Variants in TM9SF2 observed in about 807,000 individuals in gnomAD.
The protein encoded by TM9SF2 is transmembrane 9 superfamily member 2.
TM9SF2 carries 13 observed loss-of-function variants against 84.9 expected under a neutral mutation model. The observed-to-expected ratio is 0.15, with a 90% CI of 0.10 to 0.24. The LOEUF is 0.24. Ranked by LOEUF, TM9SF2 falls within the 10% of genes least tolerant of loss-of-function variation. The pLI is 1.00. For synonymous variants in TM9SF2, 273 were observed against 285.8 expected (o/e 0.96, Z 0.45); for missense variants, 562 against 818.5 (o/e 0.69, Z 3.82).
chr13:99,515,000 G>C (rs12584295), intron 1 of TM9SF2, among the ~76,000 whole-genome samples: 14,929 of 152,242 alleles, frequency 0.098, 878 homozygotes, highest in East Asian at 0.21. Context: ...CACACAACTA[G>C]TGTCAGAGGC....
At chr13:99,534,463 T>TA (rs1246455525) in intron 4 of TM9SF2, among the ~76,000 whole-genome samples, 1 of 152,156 alleles carries the variant, frequency 6.6e-6, no homozygotes, top group South Asian at 2.1e-4. Flanking sequence ...TTCACTCTAT[T>TA]AAATCTTGCA....
intron 16 of TM9SF2, among the ~76,000 whole-genome samples, chr13:99,561,107 C>T (rs572104677): frequency 1.6e-4 from 25 of 152,304 alleles, no homozygotes; most frequent in African/African-American, 6.0e-4. Context: ...TCACTTTCTT[C>T]AATTGTATTT....
At chr13:99,521,565 C>T (rs544701294) in intron 3 of TM9SF2, among the ~76,000 whole-genome samples, 1 of 152,346 alleles carries the variant, frequency 6.6e-6, no homozygotes, top group East Asian at 1.9e-4. Context: ...CTAGATTCAT[C>T]TCACCAACCG....
At chr13:99,503,666 C>T (rs149466365) in intron 1 of TM9SF2, among the ~76,000 whole-genome samples, 38 of 146,534 alleles carry the variant, frequency 2.6e-4, no homozygotes, top group African/African-American at 9.2e-4. Flanking sequence ...GCTGAGATCG[C>T]GCCATTGCAC....
chr13:99,526,258 G>A (rs2046182995), intron 3 of TM9SF2, among the ~76,000 whole-genome samples: 1 of 152,264 alleles, frequency 6.6e-6, no homozygotes, highest in Admixed American at 6.5e-5. Flanking sequence ...TGAAGTAACA[G>A]CAGCCAGCGT....
chr13:99,555,922 A>G (rs2046323105), intron 15 of TM9SF2, among the ~76,000 whole-genome samples: 1 of 152,206 alleles, frequency 6.6e-6, no homozygotes, highest in South Asian at 2.1e-4. Flanking sequence ...AACTGACTTA[A>G]AAATTAATAC....
intron 1 of TM9SF2, among the ~76,000 whole-genome samples, chr13:99,505,681 A>C (rs1308965577): frequency 1.3e-5 from 2 of 152,368 alleles, no homozygotes; most frequent in South Asian, 4.1e-4. Context: ...TAGATATTCC[A>C]GGATAAAATC....
intron 3 of TM9SF2, 52 bp from the exon 4 acceptor site, chr13:99,529,415 G>A: frequency 6.9e-7 from 1 of 1,450,586 alleles, no homozygotes; most frequent in Non-Finnish European, 9.1e-7. Context: ...ATATTGGTAT[G>A]AAAAACCTGG....
intron 5 of TM9SF2, 149 bp from the exon 6 acceptor site, chr13:99,537,590 A>T (rs1230719387): frequency 1.7e-6 from 1 of 601,276 alleles, no homozygotes; most frequent in Non-Finnish European, 2.7e-6. Flanking sequence ...AAAGAGTTTA[A>T]GTATAAAATT....
In TM9SF2 at chr13:99,552,188, T is replaced by C; in HGVS notation, c.1350T>C (p.Phe450=). The C allele has an allele frequency of 3.1e-6, 5 of 1,613,948 alleles. No individual in the cohort carries two copies. The highest frequency in any genetic ancestry group is 4.2e-6 in the Non-Finnish European group (5 of 1,179,956). Residue 450 remains phenylalanine, a synonymous_variant, in exon 13 of 17, where the codon TTT becomes TTC. Transcript: ENST00000376387. Reference sequence around the variant, plus strand: ...TCAGGATTGTATTTGCTGACTTCTTTATAATGAATCTGATCCTCTGGGGAG... The same window carrying C: ...TCAGGATTGTATTTGCTGACTTCTTCATAATGAATCTGATCCTCTGGGGAG... ...LCPGIVFADF[F]IMNLILWGEG... is the part of the protein sequence containing the mutation.
At chr13:99,541,730 A>T (rs1390901742) in intron 9 of TM9SF2, 63 bp downstream of exon 9, 11 of 1,076,434 alleles carry the variant, frequency 1.0e-5, no homozygotes, top group Non-Finnish European at 1.5e-5. Flanking sequence ...TTTTGCAAAA[A>T]GGTAAAATAA....
intron 13 of TM9SF2, among the ~76,000 whole-genome samples, chr13:99,553,699 G>A (rs1190883670): frequency 1.3e-5 from 2 of 152,258 alleles, no homozygotes; most frequent in African/African-American, 4.8e-5. Context: ...CATCTGTACT[G>A]TCTTCCCCCC....
chr13:99,555,015 A>G (rs867000778), intron 14 of TM9SF2, among the ~76,000 whole-genome samples: 42 of 152,282 alleles, frequency 2.8e-4, no homozygotes, highest in African/African-American at 7.5e-4. Context: ...GTGTGTGTAT[A>G]TCTATATATA....
chr13:99,520,016 T>C lies in TM9SF2; in HGVS notation c.240-20T>C. 6.2e-7 allele frequency: 1 copy of C among 1,607,566 alleles called. No homozygotes were observed. The highest frequency in any genetic ancestry group is 8.5e-7 in the Non-Finnish European group (1 of 1,177,420). ...CATCGTTCCCTTTTATGTGTAAAAA[T>C]TTAAATATTCTTCTCCCAGGTTTGA... On this transcript the variant is annotated intron_variant, in intron 2 of 16. Transcript: ENST00000376387.
chr13:99,552,276 A>T lies in TM9SF2; in HGVS notation c.1438A>T (p.Ile480Leu), dbSNP rs2046308527. ...TGCCATATTGGCCCTTTGGTTCTGC[A>T]TATCTGTGCCTCTGACGTTTATTGG... ...LVAILALWFCISVPLTFIGAY... is the reference protein window; with the variant it reads ...LVAILALWFCLSVPLTFIGAY... Residue 480 changes from isoleucine to leucine, a missense_variant, in exon 13 of 17, where the codon ATA becomes TTA. By Grantham distance (5) the Ile-to-Leu change is conservative (BLOSUM62 2). Around this residue, in one of 4 missense-constraint regions of TM9SF2, gnomAD observed 219 missense variants for 338.1 expected, o/e 0.65. Coordinates refer to ENST00000376387, the MANE Select transcript of TM9SF2 (RefSeq NM_004800.3). 1 of 1,614,044 alleles carries T rather than the reference A, an allele frequency of 6.2e-7. No homozygotes were observed. The highest frequency in any genetic ancestry group is 8.5e-7 in the Non-Finnish European group (1 of 1,180,018).
In TM9SF2 at chr13:99,552,163, T is replaced by A. The variant is rs765871846; in HGVS notation, c.1329-4T>A. 5.6e-6 allele frequency: 9 copies of A among 1,612,500 alleles called. No individual in the cohort carries two copies. In the South Asian group the frequency reaches 9.9e-5, roughly 18 times the overall value. ...TTTACCCAAAAGCCTGTTGTGTCTT[T>A]CAGGATTGTATTTGCTGACTTCTTT... On this transcript the variant is annotated splice_region_variant and splice_polypyrimidine_tract_variant and intron_variant, in intron 12 of 16. Transcript: ENST00000376387.
At chr13:99,523,366 G>A (rs749772336) in intron 3 of TM9SF2, among the ~76,000 whole-genome samples, 4 of 152,038 alleles carry the variant, frequency 2.6e-5, no homozygotes, top group Non-Finnish European at 5.9e-5. Context: ...GCCCAGGCTG[G>A]TCTTGAACTC....
At chr13:99,527,365 A>G (rs564814975) in intron 3 of TM9SF2, among the ~76,000 whole-genome samples, 4 of 152,200 alleles carry the variant, frequency 2.6e-5, no homozygotes, top group Admixed American at 1.3e-4. Flanking sequence ...CAGGAAAACA[A>G]TCATGGCAGA....
At chr13:99,555,447 T>C (rs2046321471) in intron 14 of TM9SF2, 89 bp from the exon 15 acceptor site, 1 of 1,034,300 alleles carries the variant, frequency 9.7e-7, no homozygotes. Flanking sequence ...AAGCAAACCT[T>C]TTCAGTTCAA....
Sources: allele counts gnomAD v4.1 joint callset (sites outside exome capture counted in the v4.1 genomes callset), GRCh38; gene constraint gnomAD v4.1.1; regional missense constraint gnomAD v4.1.1; transcripts MANE v1.5; gene names NCBI Gene and HGNC (gene_info 2026-07-23, HGNC 2026-07-21).